Variants in TENT4A observed in about 807,000 individuals in gnomAD.
The protein encoded by TENT4A is DNA polymerase kappa.
Under a neutral mutation model 72.8 loss-of-function variants are expected in TENT4A, and 7 were observed. The observed-to-expected ratio is 0.10, with a 90% CI of 0.05 to 0.18. TENT4A has a LOEUF of 0.18. Ranked by LOEUF, TENT4A falls within the 10% of genes least tolerant of loss-of-function variation. The pLI, the probability that TENT4A is intolerant of heterozygous loss-of-function variation, is 1.00. For missense variants in TENT4A, 831 were observed against 1,017.7 expected (o/e 0.82, Z 2.50); for synonymous variants, 456 against 434.3 (o/e 1.05, Z -0.62).
chr5:6,750,296 C>T (rs2126655658), intron 9 of TENT4A, 35 bp from the exon 10 acceptor site: 1 of 1,579,718 alleles, frequency 6.3e-7, no homozygotes, highest in Non-Finnish European at 8.6e-7. Flanking sequence ...CCGCAGTTCT[C>T]AGGAGTTATT....
intron 7 of TENT4A, 86 bp downstream of exon 7, chr5:6,746,513 G>C (rs1449007069): frequency 7.3e-6 from 9 of 1,226,466 alleles, no homozygotes; most frequent in Non-Finnish European, 9.3e-6. Context: ...GGCTCTGAGA[G>C]CCCCGGGCAG....
intron 10 of TENT4A, 116 bp downstream of exon 10, chr5:6,750,619 A>G (rs1415450160): frequency 1.3e-5 from 13 of 1,002,498 alleles, no homozygotes; most frequent in Non-Finnish European, 1.7e-5. Flanking sequence ...GTTTCCTTGT[A>G]TGTGTGTGGA....
intron 9 of TENT4A, 61 bp downstream of exon 9, chr5:6,749,718 G>A (rs1056015621): frequency 6.2e-5 from 67 of 1,080,124 alleles, no homozygotes; most frequent in Non-Finnish European, 8.3e-5. Flanking sequence ...ATGCAGAAGT[G>A]TCTCTATTCC....
chr5:6,721,919 T>C (rs376449929), intron 1 of TENT4A, among the ~76,000 whole-genome samples: 2 of 152,356 alleles, frequency 1.3e-5, no homozygotes, highest in African/African-American at 4.8e-5. Flanking sequence ...TCTTTCCGTT[T>C]GAAAGAGATT....
intron 12 of TENT4A, among the ~76,000 whole-genome samples, chr5:6,754,033 G>A (rs564488372): frequency 1.1e-4 from 17 of 152,356 alleles, no homozygotes; most frequent in South Asian, 6.2e-4. Context: ...TGTGCTTTGG[G>A]TGTAGCCCAA....
chr5:6,751,750 TAC>T (rs1742419849), intron 11 of TENT4A, among the ~76,000 whole-genome samples: 2 of 152,388 alleles, frequency 1.3e-5, no homozygotes, highest in South Asian at 4.1e-4. Flanking sequence ...CTTGCGATTA[TAC>T]ATCACTTGAA....
chr5:6,721,262 C>T (rs938576587), intron 1 of TENT4A, among the ~76,000 whole-genome samples: 2 of 152,248 alleles, frequency 1.3e-5, no homozygotes, highest in South Asian at 2.1e-4. Context: ...GGCAAGTCTT[C>T]GGAGTATTCA....
chr5:6,753,062 A>G (rs1329385117), intron 12 of TENT4A, 25 bp downstream of exon 12: 2 of 1,569,542 alleles, frequency 1.3e-6, no homozygotes, highest in African/African-American at 1.3e-5. Context: ...TGGTGCATTC[A>G]CCTACCTGTT....
Position 6,755,237 on chromosome 5 carries a change from C to G in TENT4A, c.*292C>G. 1 of 295,702 alleles carries G rather than the reference C, an allele frequency of 3.4e-6. No individual in the cohort carries two copies. Among genetic ancestry groups the G allele is most frequent in the Non-Finnish European group, 6.3e-6 (1 of 159,722 alleles). The allele number at this position is 295,702 out of a possible 1,614,324, so 18.3% of individuals were successfully genotyped here. A position where few individuals can be genotyped will look rare whatever the true frequency, so the allele number is the denominator to read the frequency against. Reference sequence around the variant, plus strand: ...CAGGAACTGCAGGGACGTGAACATGCGCTTGCGGTTTGAGGTAGCCGTGTC... The same window carrying G: ...CAGGAACTGCAGGGACGTGAACATGGGCTTGCGGTTTGAGGTAGCCGTGTC... On this transcript the variant is annotated 3_prime_UTR_variant, in exon 13 of 13. Transcript: ENST00000230859.
intron 1 of TENT4A, among the ~76,000 whole-genome samples, chr5:6,721,777 C>T (rs1740664979): frequency 6.6e-6 from 1 of 152,172 alleles, no homozygotes; most frequent in Non-Finnish European, 1.5e-5. Context: ...CAACAACATG[C>T]CTTTTTGTTG....
At chr5:6,748,689 G>T (rs1319933539) in intron 8 of TENT4A, 99 bp downstream of exon 8, 5 of 1,274,254 alleles carry the variant, frequency 3.9e-6, no homozygotes, top group Admixed American at 1.8e-5. Flanking sequence ...ATGAAGGGAT[G>T]TTCTGCCGTA....
chr5:6,744,621 A>G (rs1425433027), intron 6 of TENT4A, among the ~76,000 whole-genome samples: 1 of 152,218 alleles, frequency 6.6e-6, no homozygotes, highest in Non-Finnish European at 1.5e-5. Flanking sequence ...TGATAGTAGA[A>G]TCACTGGGTA....
chr5:6,752,496 C>A lies in TENT4A; in HGVS notation c.2020-377C>A, dbSNP rs568745856. 3.3e-5 allele frequency among the ~76,000 whole-genome samples: 5 copies of A among 152,356 alleles called. No homozygotes were observed. The South Asian group carries it at 1.0e-3, about 32-fold the overall frequency. ...AAGGAAGGAACTGCCAGCCGTCCCA[C>A]GGCCTCTCAGGCCACCAGTTGGGCC... is the stretch of plus-strand genomic sequence containing the variant. On this transcript the variant is annotated intron_variant, in intron 11 of 12. Transcript: ENST00000230859.
In TENT4A at chr5:6,714,079, C is replaced by G. The variant is rs1740231415; in HGVS notation, c.96C>G (p.Arg32=). The G allele has an allele frequency of 7.1e-6, 7 of 990,210 alleles. No individual in the cohort carries two copies. The highest frequency in any genetic ancestry group is 8.4e-6 in the Non-Finnish European group (7 of 834,126). The allele number at this position is 990,210 out of a possible 1,614,324, so 61.3% of individuals were successfully genotyped here. ...QIWETSQGVG[R]GGSGFASYFC... ...GGGAGACCTCGCAGGGCGTGGGCCGCGGCGGCTCGGGCTTCGCGTCCTATT... is the reference window on the plus strand; with the variant it reads ...GGGAGACCTCGCAGGGCGTGGGCCGGGGCGGCTCGGGCTTCGCGTCCTATT... Residue 32 remains arginine, a synonymous_variant, in exon 1 of 13, where the codon CGC becomes CGG. Coordinates refer to ENST00000230859, the MANE Select transcript of TENT4A (RefSeq NM_006999.6).
intron 11 of TENT4A, 28 bp from the exon 12 acceptor site, chr5:6,752,843 ACC>A: frequency 6.2e-7 from 1 of 1,602,224 alleles, no homozygotes; most frequent in Non-Finnish European, 8.5e-7. Flanking sequence ...TTGCTTTGGT[ACC>A]CATGGCCGTC....
chr5:6,753,510 G>T (rs1742525504), intron 12 of TENT4A, among the ~76,000 whole-genome samples: 2 of 152,238 alleles, frequency 1.3e-5, no homozygotes, highest in Non-Finnish European at 1.5e-5. Flanking sequence ...GCCTCAGCAG[G>T]GCCCTGGCAT....
chr5:6,743,153 G>A (rs1741905431), intron 5 of TENT4A, among the ~76,000 whole-genome samples: 1 of 152,128 alleles, frequency 6.6e-6, no homozygotes, highest in Non-Finnish European at 1.5e-5. Context: ...GCAATCCTTA[G>A]CAGGGGCAAA....
At chr5:6,748,258 G>T (rs2126651741) in intron 7 of TENT4A, among the ~76,000 whole-genome samples, 1 of 152,362 alleles carries the variant, frequency 6.6e-6, no homozygotes, top group East Asian at 1.9e-4. Flanking sequence ...CACAGACTGT[G>T]CCCTGTGCAT....
chr5:6,747,271 G>A (rs1186751588), intron 7 of TENT4A, among the ~76,000 whole-genome samples: 1 of 152,204 alleles, frequency 6.6e-6, no homozygotes, highest in Non-Finnish European at 1.5e-5. Flanking sequence ...TCTCCTCTGT[G>A]TGGCTCTGTG....
Sources: allele counts gnomAD v4.1 joint callset (sites outside exome capture counted in the v4.1 genomes callset), GRCh38; gene constraint gnomAD v4.1.1; transcripts MANE v1.5; gene names NCBI Gene and HGNC (gene_info 2026-07-23, HGNC 2026-07-21).